The following MAN1A2 variants were observed in gnomAD, a reference collection of about 807,000 sequenced individuals.
MAN1A2 encodes mannosyl-oligosaccharide 1,2-alpha-mannosidase IB.
MAN1A2 carries 26 observed loss-of-function variants against 75.7 expected under a neutral mutation model. That is an observed-to-expected ratio of 0.34 (90% CI 0.25 to 0.48). The LOEUF (loss-of-function observed/expected upper bound fraction) is 0.48, where lower values mean the gene tolerates loss of function less well. MAN1A2 is among the 20% of genes least tolerant of loss of function. The pLI, the probability that MAN1A2 is intolerant of heterozygous loss-of-function variation, is 0.99. For missense variants in MAN1A2, 562 were observed against 775.5 expected (o/e 0.72, Z 3.27); for synonymous variants, 247 against 264.6 (o/e 0.93, Z 0.65).
intron 10 of MAN1A2, among the ~76,000 whole-genome samples, chr1:117,499,156 T>A (rs1651124768): frequency 6.6e-6 from 1 of 151,978 alleles, no homozygotes; most frequent in Non-Finnish European, 1.5e-5. Context: ...CACATTATTC[T>A]GAGAAACATT....
chr1:117,432,861 A>ATACC (rs1221654890), intron 5 of MAN1A2, among the ~76,000 whole-genome samples: 1 of 149,646 alleles, frequency 6.7e-6, no homozygotes, highest in Non-Finnish European at 1.5e-5. Context: ...CTTGTAAAGC[A>ATACC]TAGCTAGCAA....
At chr1:117,492,595 T>A (rs1650916363) in intron 8 of MAN1A2, among the ~76,000 whole-genome samples, 1 of 152,026 alleles carries the variant, frequency 6.6e-6, no homozygotes, top group Admixed American at 6.6e-5. Flanking sequence ...TGAATAGTAA[T>A]CAAGGGGAGC....
intron 1 of MAN1A2, among the ~76,000 whole-genome samples, chr1:117,389,886 C>T (rs1319941343): frequency 6.6e-6 from 1 of 151,710 alleles, no homozygotes; most frequent in Non-Finnish European, 1.5e-5. Flanking sequence ...CCTTGCATTC[C>T]TAGTTCGCTG....
chr1:117,376,037 GAGT>G (rs1557924392), intron 1 of MAN1A2, among the ~76,000 whole-genome samples: 1 of 151,296 alleles, frequency 6.6e-6, no homozygotes, highest in African/African-American at 2.4e-5. Flanking sequence ...TCAGCCGCCC[GAGT>G]AGCTGGTACT....
chr1:117,379,768 T>C (rs913437026), intron 1 of MAN1A2, among the ~76,000 whole-genome samples: 5 of 152,104 alleles, frequency 3.3e-5, no homozygotes, highest in African/African-American at 1.2e-4. Context: ...TCACTTAGCA[T>C]AATGTTTTTG....
chr1:117,410,029 T>C (rs912671628), intron 3 of MAN1A2, among the ~76,000 whole-genome samples: 5 of 151,968 alleles, frequency 3.3e-5, no homozygotes, highest in Non-Finnish European at 5.9e-5. Context: ...CTAAGCATAT[T>C]CTCATATATT....
At chr1:117,371,447 C>G (rs1203043283) in intron 1 of MAN1A2, among the ~76,000 whole-genome samples, 1 of 152,018 alleles carries the variant, frequency 6.6e-6, no homozygotes, top group Admixed American at 6.6e-5. Context: ...AATGTGTGAC[C>G]TAGTCTATAG....
At chr1:117,425,386 G>C (rs1160200656) in intron 5 of MAN1A2, among the ~76,000 whole-genome samples, 2 of 152,178 alleles carry the variant, frequency 1.3e-5, no homozygotes, top group South Asian at 2.1e-4. Context: ...CACACACACA[G>C]AGGTATTAAA....
At chr1:117,478,713 A>G (rs1187860186) in intron 8 of MAN1A2, among the ~76,000 whole-genome samples, 2 of 151,960 alleles carry the variant, frequency 1.3e-5, no homozygotes, top group African/African-American at 4.8e-5. Context: ...GTTAAGAATC[A>G]GTTGTACATT....
chr1:117,405,743 C>T (rs1408251947), intron 3 of MAN1A2, 98 bp downstream of exon 3: 1 of 769,214 alleles, frequency 1.3e-6, no homozygotes, highest in Non-Finnish European at 2.3e-6. Context: ...CTGAGTATTT[C>T]TGTGGAACTA....
chr1:117,504,082 C>G (rs1438830491), intron 12 of MAN1A2, among the ~76,000 whole-genome samples: 1 of 151,340 alleles, frequency 6.6e-6, no homozygotes, highest in Non-Finnish European at 1.5e-5. Context: ...GAACATCTGC[C>G]TGGTACTCAG....
intron 3 of MAN1A2, among the ~76,000 whole-genome samples, chr1:117,409,006 A>G (rs1419154623): frequency 6.6e-6 from 1 of 152,096 alleles, no homozygotes; most frequent in East Asian, 1.9e-4. Context: ...TTCTAATATT[A>G]TTGATTTATG....
At chr1:117,434,511 A>G (rs866349818) in intron 5 of MAN1A2, among the ~76,000 whole-genome samples, 1 of 152,192 alleles carries the variant, frequency 6.6e-6, no homozygotes, top group African/African-American at 2.4e-5. Context: ...AAAGTAACAG[A>G]GTAGATACAC....
chr1:117,405,521 T>G, intron 2 of MAN1A2, 28 bp from the exon 3 acceptor site: 1 of 1,362,146 alleles, frequency 7.3e-7, no homozygotes. Context: ...AAATTTAAAT[T>G]GATGGATTAT....
At chr1:117,448,459 A>C (rs918904742) in intron 6 of MAN1A2, among the ~76,000 whole-genome samples, 1 of 152,218 alleles carries the variant, frequency 6.6e-6, no homozygotes, top group African/African-American at 2.4e-5. Flanking sequence ...AGGACTTTAC[A>C]TAGCTATTGT....
intron 1 of MAN1A2, among the ~76,000 whole-genome samples, chr1:117,378,971 CTTA>C (rs1190476204): frequency 6.6e-6 from 1 of 151,890 alleles, no homozygotes; most frequent in East Asian, 1.9e-4. Flanking sequence ...CTGTGAATAC[CTTA>C]TTTTTTAATT....
rs1294855169 is a variant in MAN1A2 at position 117,420,623 on chromosome 1, G to T, written c.829G>T (p.Ala277Ser). 3 of 1,612,902 alleles carry T rather than the reference G, an allele frequency of 1.9e-6. No individual in the cohort carries two copies. Among genetic ancestry groups the T allele is most frequent in the Non-Finnish European group, 1.7e-6 (2 of 1,179,160 alleles). ...CATTCGATTTATTGGAGGCCTACTTGCAGCATATTACCTATCAGGAGAGGA... is the reference window on the plus strand; with the variant it reads ...CATTCGATTTATTGGAGGCCTACTTTCAGCATATTACCTATCAGGAGAGGA... ...VNIRFIGGLLAAYYLSGEEIF... is the reference protein window; with the variant it reads ...VNIRFIGGLLSAYYLSGEEIF... The change falls in exon 5 of 13, where the codon GCA (alanine) becomes TCA (serine). Residue 277 changes from alanine to serine, a missense_variant. Physicochemically the swap from Ala to Ser is moderately conservative, Grantham distance 99. Coordinates refer to ENST00000356554, the MANE Select transcript of MAN1A2 (RefSeq NM_006699.5).
At chr1:117,374,145 G>GC (rs1653067952) in intron 1 of MAN1A2, among the ~76,000 whole-genome samples, 1 of 151,958 alleles carries the variant, frequency 6.6e-6, no homozygotes. Context: ...GCACATACTC[G>GC]CACATGCACA....
chr1:117,499,848 T>G lies in MAN1A2; in HGVS notation c.1677+294T>G, dbSNP rs144905612. On this transcript the variant is annotated intron_variant, in intron 11 of 12. Transcript: ENST00000356554. ...GCAAGTGGTTTACTCTTAAAGTCTT[T>G]CAGGGAATCCATAGCTATCAGTACC... 3.4e-4 allele frequency among the ~76,000 whole-genome samples: 52 copies of G among 151,258 alleles called. 2 individuals carry two copies. In the East Asian group the frequency reaches 0.01, roughly 30 times the overall value.
Sources: gnomAD v4.1 joint callset for allele counts (sites outside exome capture counted in the v4.1 genomes callset) on GRCh38, gnomAD v4.1.1 for gene constraint, MANE v1.5 for transcripts, NCBI Gene and HGNC (gene_info 2026-07-23, HGNC 2026-07-21) for gene names.